The following ERBB4 variants were observed in gnomAD, a reference collection of about 807,000 sequenced individuals.
ERBB4 encodes erb-b2 receptor tyrosine kinase 4.
Under a neutral mutation model 158.0 loss-of-function variants are expected in ERBB4, and 42 were observed. That is an observed-to-expected ratio of 0.27 (90% confidence interval 0.21 to 0.34). The LOEUF (loss-of-function observed/expected upper bound fraction) is 0.34. Among genes scored for constraint, ERBB4 ranks in the 10% least tolerant of loss-of-function variants. ERBB4 has a pLI of 1.00. For synonymous variants in ERBB4, 583 were observed against 558.7 expected, an observed-to-expected ratio of 1.04 and a Z score of -0.61; for missense variants, 1,333 against 1,624.1, an observed-to-expected ratio of 0.82 and a Z score of 3.08.
chr2:212,028,816 T>A (rs1369936258), intron 2 of ERBB4, among the ~76,000 whole-genome samples: 1 of 152,114 alleles, frequency 6.6e-6, no homozygotes, highest in Admixed American at 6.6e-5. Context: ...CTAGTAGACT[T>A]AACCCAAAGG....
At chr2:211,863,171 C>T (rs1212558277) in intron 3 of ERBB4, among the ~76,000 whole-genome samples, 2 of 148,754 alleles carry the variant, frequency 1.3e-5, no homozygotes, top group Non-Finnish European at 2.9e-5. Context: ...ATTGTAAACA[C>T]ACCAATCAGC....
At chr2:212,363,084 G>T (rs994750903) in intron 1 of ERBB4, among the ~76,000 whole-genome samples, 1 of 151,200 alleles carries the variant, frequency 6.6e-6, no homozygotes, top group Non-Finnish European at 1.5e-5. Flanking sequence ...TATAATATCA[G>T]ACTTAAGTAT....
intron 5 of ERBB4, among the ~76,000 whole-genome samples, chr2:211,749,655 T>G (rs1164764985): frequency 2.6e-5 from 4 of 152,178 alleles, no homozygotes; most frequent in Non-Finnish European, 5.9e-5. Flanking sequence ...CTTTGGTGGT[T>G]CACAATAAAA....
intron 2 of ERBB4, among the ~76,000 whole-genome samples, chr2:212,024,213 T>C (rs2076722099): frequency 6.6e-6 from 1 of 151,936 alleles, no homozygotes; most frequent in Non-Finnish European, 1.5e-5. Context: ...GAATGTATTA[T>C]CTCAGCCCAG....
chr2:212,003,148 G>GGAAGGAAAGAAA (rs2076153427), intron 2 of ERBB4, among the ~76,000 whole-genome samples: 16 of 15,184 alleles, frequency 1.1e-3, no homozygotes, highest in African/African-American at 2.4e-3. Context: ...AAGGAAGGAA[G>GGAAGGAAAGAAA]GAAAGAAAGA....
chr2:211,666,083 G>A (rs1343218096), intron 14 of ERBB4, among the ~76,000 whole-genome samples: 2 of 152,104 alleles, frequency 1.3e-5, no homozygotes, highest in African/African-American at 4.8e-5. Flanking sequence ...TTTAAAATTT[G>A]TTATGATAAC....
rs998929898 is a variant in ERBB4 at position 212,226,408 on chromosome 2, C to A, written c.83-101505G>T. On this transcript the variant is annotated intron_variant, in intron 1 of 27. Transcript: ENST00000342788. ...CCCATGGGAATTGACATAGTAAAGA[C>A]ATGGGGGGGGGTTTGACCCATTAAA... Among the ~76,000 whole-genome samples, 7 of 67,338 alleles carry A rather than the reference C, an allele frequency of 1.0e-4. No individual in the cohort carries two copies. The East Asian group carries it at 3.1e-3, about 30-fold the overall frequency. The allele number at this position is 67,338 out of a possible 152,430, so 44.2% of individuals were successfully genotyped here.
intron 3 of ERBB4, among the ~76,000 whole-genome samples, chr2:211,931,190 A>G (rs2080165321): frequency 6.6e-6 from 1 of 152,154 alleles, no homozygotes; most frequent in African/African-American, 2.4e-5. Context: ...AAAAGTCATC[A>G]AAAGTTTTTC....
At chr2:211,695,403 AT>A (rs1449710395) in intron 12 of ERBB4, among the ~76,000 whole-genome samples, 2 of 152,182 alleles carry the variant, frequency 1.3e-5, no homozygotes, top group African/African-American at 2.4e-5. Flanking sequence ...TGCCAAAAAA[AT>A]ATATTCCCCA....
At chr2:212,298,892 G>C (rs899656219) in intron 1 of ERBB4, among the ~76,000 whole-genome samples, 2 of 151,478 alleles carry the variant, frequency 1.3e-5, no homozygotes, top group South Asian at 2.1e-4. Context: ...ACCTCAAATA[G>C]TTACATGTCA....
intron 1 of ERBB4, among the ~76,000 whole-genome samples, chr2:212,455,554 T>C (rs959376775): frequency 4.2e-5 from 5 of 119,526 alleles, no homozygotes; most frequent in East Asian, 3.9e-4. Context: ...TCTAAATTCC[T>C]TCACCTTAAA....
At position 211,724,977 on chromosome 2, in the gene ERBB4, A is replaced by C. The variant is rs1412574962; in HGVS notation, c.741+99T>G. ...TTTTTCTTAATCCTAAAGTGGCTAA[A>C]GTTGATCTGATTGTAATAAGACAAA... On this transcript the variant is annotated intron_variant, in intron 6 of 27. Coordinates refer to ENST00000342788, the MANE Select transcript of ERBB4 (RefSeq NM_005235.3). 2.7e-5 allele frequency: 26 copies of C among 949,728 alleles called. No individual in the cohort carries two copies. In the East Asian group the frequency reaches 5.7e-4, roughly 21 times the overall value. The allele number at this position is 949,728 out of a possible 1,614,324, so 58.8% of individuals were successfully genotyped here.
chr2:211,754,659 G>A lies in ERBB4; in HGVS notation c.557-3955C>T, dbSNP rs1328421134. ...CCCGACCTCATGATCCACCCATCTAGGCCTACCAAAGTGTTGGGATTACAG... is the reference window on the plus strand; with the variant it reads ...CCCGACCTCATGATCCACCCATCTAAGCCTACCAAAGTGTTGGGATTACAG... On this transcript the variant is annotated intron_variant, in intron 4 of 27. Transcript: ENST00000342788. Among the ~76,000 whole-genome samples, 20 of 147,050 alleles carry A rather than the reference G, an allele frequency of 1.4e-4. 1 individual carries two copies. Among genetic ancestry groups the A allele is most frequent in the Admixed American group, 1.4e-3 (20 of 14,710 alleles).
At chr2:211,824,834 A>G (rs1243825092) in intron 3 of ERBB4, among the ~76,000 whole-genome samples, 2 of 151,978 alleles carry the variant, frequency 1.3e-5, no homozygotes, top group Non-Finnish European at 2.9e-5. Context: ...GTTTTTACAC[A>G]AAATTTGCAG....
intron 16 of ERBB4, among the ~76,000 whole-genome samples, chr2:211,637,409 TA>T (rs1232633353): frequency 6.6e-6 from 1 of 151,934 alleles, no homozygotes; most frequent in Non-Finnish European, 1.5e-5. Context: ...TCTGTTTCCA[TA>T]AGAGAAAGAC....
At chr2:211,595,522 G>A (rs1311783920) in intron 19 of ERBB4, among the ~76,000 whole-genome samples, 3 of 151,994 alleles carry the variant, frequency 2.0e-5, no homozygotes, top group African/African-American at 7.2e-5. Flanking sequence ...CAAATATAAA[G>A]CATTAATAAT....
chr2:212,142,964 C>A (rs1244833530), intron 1 of ERBB4, among the ~76,000 whole-genome samples: 2 of 150,808 alleles, frequency 1.3e-5, no homozygotes, highest in Non-Finnish European at 2.9e-5. Flanking sequence ...CTGGCTGAAG[C>A]AAGTTAAATG....
At chr2:211,831,732 T>C (rs1381422420) in intron 3 of ERBB4, among the ~76,000 whole-genome samples, 1 of 152,004 alleles carries the variant, frequency 6.6e-6, no homozygotes, top group Non-Finnish European at 1.5e-5. Context: ...TGAAACCCCA[T>C]ATCTACTAAA....
chr2:212,314,302 A>AT (rs1388113519), intron 1 of ERBB4, among the ~76,000 whole-genome samples: 1 of 150,858 alleles, frequency 6.6e-6, no homozygotes, highest in Non-Finnish European at 1.5e-5. Context: ...TTTTACGTTA[A>AT]TTTTTTTCAA....
Sources: gnomAD v4.1 joint callset for allele counts (sites outside exome capture counted in the v4.1 genomes callset) on GRCh38, gnomAD v4.1.1 for gene constraint, MANE v1.5 for transcripts, NCBI Gene and HGNC (gene_info 2026-07-23, HGNC 2026-07-21) for gene names.